Variants in GARRE1 observed in about 807,000 individuals in gnomAD.
The protein encoded by GARRE1 is granule associated Rac and RHOG effector 1.
Under a neutral mutation model 103.2 loss-of-function variants are expected in GARRE1, and 49 were observed. The observed-to-expected ratio is 0.47, with a 90% CI of 0.38 to 0.60. The LOEUF (loss-of-function observed/expected upper bound fraction) is 0.60. Ranked by LOEUF, GARRE1 falls within the 20% of genes least tolerant of loss-of-function variation. The pLI is 0.00. For missense variants in GARRE1, 1,199 were observed against 1,370.5 expected (o/e 0.87, Z 1.98); for synonymous variants, 505 against 532.8 (o/e 0.95, Z 0.72).
At chr19:34,297,537 T>C (rs2073953850) in intron 1 of GARRE1, among the ~76,000 whole-genome samples, 1 of 152,184 alleles carries the variant, frequency 6.6e-6, no homozygotes, top group African/African-American at 2.4e-5. Context: ...ACTAGGAAGC[T>C]GGTGCACCAC....
Position 34,348,110 on chromosome 19 carries a change from G to A in GARRE1, c.2687+68G>A. On this transcript the variant is annotated intron_variant, in intron 11 of 13. Transcript: ENST00000299505. ...GTGTCCCCCGAGGGGCCTGTGAGAA[G>A]AGAGGCTCCTTGCCTGTGTGCATTC... 2 of 1,302,574 alleles carry A rather than the reference G, an allele frequency of 1.5e-6. 1 individual carries two copies. Among genetic ancestry groups the A allele is most frequent in the South Asian group, 4.1e-5 (2 of 48,842 alleles). 80.7% of individuals were successfully genotyped at this position (1,302,574 alleles called of 1,614,324 possible). A position where few individuals can be genotyped will look rare whatever the true frequency, so the allele number is the denominator to read the frequency against.
At chr19:34,295,008 AC>A (rs2073939638) in intron 1 of GARRE1, among the ~76,000 whole-genome samples, 1 of 152,202 alleles carries the variant, frequency 6.6e-6, no homozygotes, top group South Asian at 2.1e-4. Context: ...TAATGTGGCA[AC>A]TCTGAAAATC....
chr19:34,346,603 A>T (rs2074212276), intron 10 of GARRE1, among the ~76,000 whole-genome samples: 1 of 152,170 alleles, frequency 6.6e-6, no homozygotes, highest in South Asian at 2.1e-4. Flanking sequence ...TCTAGGCTAC[A>T]TACAGAGCAC....
intron 2 of GARRE1, among the ~76,000 whole-genome samples, chr19:34,317,537 G>A (rs146921388): frequency 1.3e-5 from 2 of 152,270 alleles, no homozygotes; most frequent in East Asian, 3.9e-4. Context: ...TCTGCAGTGG[G>A]TGGGGAGATT....
rs775473715 is a variant in GARRE1, at chr19:34,351,606, C to G, written c.2904+14C>G. ...GATGTGAACCAGGTATTCAGGCAGG[C>G]TCTGTGGGCACAGACTTGGGCTAGC... On this transcript the variant is annotated intron_variant, in intron 13 of 13. Transcript: ENST00000299505. 1.9e-6 allele frequency: 3 copies of G among 1,599,990 alleles called. No individual in the cohort carries two copies. In the South Asian group the frequency reaches 3.3e-5, roughly 18 times the overall value.
rs1421937636 is a variant in GARRE1, at chr19:34,340,058, G to T, written c.1487+66G>T. ...AGTGTGACTATGCACAGTTTCATGT[G>T]TGCTTGTGTCATTGATAGTATACGG... is the stretch of plus-strand genomic sequence containing the variant. On this transcript the variant is annotated intron_variant, in intron 9 of 13. Coordinates refer to ENST00000299505, the MANE Select transcript of GARRE1 (RefSeq NM_014686.5). The T allele has an allele frequency of 1.9e-6, 3 of 1,553,498 alleles. No individual in the cohort carries two copies. The Admixed American group carries it at 5.1e-5, about 26-fold the overall frequency.
Position 34,300,823 on chromosome 19 carries a change from T to C in GARRE1, c.350T>C (p.Leu117Pro). 1 of 1,614,148 alleles carries C rather than the reference T, an allele frequency of 6.2e-7. No homozygotes were observed. The change falls in exon 2 of 14, where the codon CTC (leucine) becomes CCC (proline). Residue 117 changes from leucine (L) to proline (P), a missense_variant. Transcript: ENST00000299505. The stretch of plus-strand genomic sequence containing the variant: ...CACTACTCAAAGGCAGCCACACAGC[T>C]CAAAGATGTGCAGGAGCATGTCATG... ...NSHYSKAATQ[L>P]KDVQEHVMEA...
intron 7 of GARRE1, among the ~76,000 whole-genome samples, chr19:34,331,460 A>G (rs1281168103): frequency 6.6e-6 from 1 of 152,172 alleles, no homozygotes; most frequent in African/African-American, 2.4e-5. Context: ...TGGTATAAGT[A>G]GTACCCCCAT....
At chr19:34,323,407 C>T (rs1025333561) in intron 3 of GARRE1, among the ~76,000 whole-genome samples, 4 of 152,272 alleles carry the variant, frequency 2.6e-5, no homozygotes, top group Middle Eastern at 3.4e-3. Context: ...TTAATATTGT[C>T]CAGTCTCTAG....
chr19:34,265,965 A>G (rs1288004475), intron 1 of GARRE1, among the ~76,000 whole-genome samples: 2 of 152,260 alleles, frequency 1.3e-5, no homozygotes, highest in Admixed American at 6.5e-5. Flanking sequence ...TAACTACTGC[A>G]TTTTGGAAGT....
chr19:34,267,884 C>T lies in GARRE1; in HGVS notation c.-796+13270C>T, dbSNP rs530156023. On this transcript the variant is annotated intron_variant, in intron 1 of 13. Coordinates refer to ENST00000299505, the MANE Select transcript of GARRE1 (RefSeq NM_014686.5). Reference sequence around the variant, plus strand: ...TGCCTCCCAGGTTCAAGCAATTCTCCTGCCTCAGCCTCCTGAGTAGCTGGG... The same window carrying T: ...TGCCTCCCAGGTTCAAGCAATTCTCTTGCCTCAGCCTCCTGAGTAGCTGGG... 1.0e-3 allele frequency among the ~76,000 whole-genome samples: 154 copies of T among 151,886 alleles called. 1 individual carries two copies. The Middle Eastern group carries it at 0.01, about 10-fold the overall frequency.
At chr19:34,255,538 A>G (rs1170835478) in intron 1 of GARRE1, among the ~76,000 whole-genome samples, 1 of 152,228 alleles carries the variant, frequency 6.6e-6, no homozygotes, top group African/African-American at 2.4e-5. Flanking sequence ...TTTTGGTGAT[A>G]ATCAATAAAT....
At chr19:34,296,170 T>G in intron 1 of GARRE1, 1 of 353,350 alleles carries the variant, frequency 2.8e-6, no homozygotes, top group Non-Finnish European at 5.0e-6. Context: ...TTTTCTTGCG[T>G]CAGTTTGTTT....
chr19:34,256,184 C>T (rs1379541652), intron 1 of GARRE1, among the ~76,000 whole-genome samples: 1 of 151,720 alleles, frequency 6.6e-6, no homozygotes, highest in Non-Finnish European at 1.5e-5. Flanking sequence ...TTTCCTTTGA[C>T]ATATTTGGAC....
intron 1 of GARRE1, among the ~76,000 whole-genome samples, chr19:34,290,873 GCTTTTTTTTTTTTTTTTTTTTTTTTTTT>G: frequency 1.0e-5 from 1 of 99,438 alleles, no homozygotes; most frequent in Admixed American, 1.2e-4. Flanking sequence ...AAAGCATATT[GCTTTTTTTTTTTTTTTTTTTTTTTTTTT>G]TTTTTTTTTT....
chr19:34,268,843 G>A (rs971829363), intron 1 of GARRE1, among the ~76,000 whole-genome samples: 4 of 151,868 alleles, frequency 2.6e-5, no homozygotes, highest in Admixed American at 1.3e-4. Flanking sequence ...ATTACTACCC[G>A]TTTCATTTAC....
intron 1 of GARRE1, among the ~76,000 whole-genome samples, chr19:34,268,737 G>C (rs1396630965): frequency 2.6e-5 from 4 of 151,944 alleles, no homozygotes; most frequent in African/African-American, 9.7e-5. Flanking sequence ...GAGGTGGGAG[G>C]GTTGCTTGAG....
intron 2 of GARRE1, among the ~76,000 whole-genome samples, chr19:34,303,720 A>G (rs1286242770): frequency 6.6e-6 from 1 of 151,972 alleles, no homozygotes; most frequent in Non-Finnish European, 1.5e-5. Flanking sequence ...GGTTCAAGCA[A>G]TTCTCTTGCC....
At chr19:34,287,635 T>C (rs558401482) in intron 1 of GARRE1, among the ~76,000 whole-genome samples, 1 of 152,266 alleles carries the variant, frequency 6.6e-6, no homozygotes, top group Non-Finnish European at 1.5e-5. Context: ...TACTATAGAC[T>C]GGGTAGCTTA....
Sources: allele counts gnomAD v4.1 joint callset (sites outside exome capture counted in the v4.1 genomes callset), GRCh38; gene constraint gnomAD v4.1.1; transcripts MANE v1.5; gene names NCBI Gene and HGNC (gene_info 2026-07-23, HGNC 2026-07-21).